SCN10A: variants seen among roughly 807,000 people sequenced by gnomAD.
The protein encoded by SCN10A is sodium channel protein type 10 subunit alpha.
SCN10A carries 162 observed loss-of-function variants against 170.7 expected under a neutral mutation model. That is an observed-to-expected ratio of 0.95 (90% CI 0.84 to 1.08). SCN10A has a LOEUF of 1.08. SCN10A is among the 50% of genes least tolerant of loss of function. SCN10A has a pLI of 0.00. For missense variants in SCN10A, 2,527 were observed against 2,436.9 expected (o/e 1.04, Z -0.78); for synonymous variants, 985 against 904.6 (o/e 1.09, Z -1.59).
At chr3:38,766,704 T>C (rs1433199218) in intron 5 of SCN10A, among the ~76,000 whole-genome samples, 1 of 152,146 alleles carries the variant, frequency 6.6e-6, no homozygotes, top group East Asian at 1.9e-4. Context: ...TTTTTAAAAG[T>C]CCTTTTCTGG....
intron 20 of SCN10A, among the ~76,000 whole-genome samples, chr3:38,719,688 C>A (rs2063370159): frequency 6.6e-6 from 1 of 152,128 alleles, no homozygotes. Context: ...CCACCGCGCC[C>A]GGCCACTCTT....
At chr3:38,799,737 A>C (rs936100346) in intron 1 of SCN10A, among the ~76,000 whole-genome samples, 1 of 152,142 alleles carries the variant, frequency 6.6e-6, no homozygotes, top group Non-Finnish European at 1.5e-5. Context: ...TCTTTAAAAA[A>C]ATCATATGAT....
chr3:38,726,647 C>T lies in SCN10A; in HGVS notation c.3046G>A (p.Asp1016Asn), dbSNP rs1211578836. The stretch of plus-strand genomic sequence containing the variant: ...ACTTCCTGCTGGAAGCTCTGAGCAT[C>T]TTCCCCACCATCATCCTCCAAGTCA... ...LDDLEDDGGE[D>N]AQSFQQEVIP... The change falls in exon 17 of 28, where the codon GAT (aspartate) becomes AAT (asparagine). Residue 1016 changes from aspartate (D) to asparagine (N), a missense_variant. Asp to Asn is a conservative substitution (Grantham distance 23). Transcript: ENST00000449082. 6.2e-7 allele frequency: 1 copy of T among 1,602,346 alleles called. No homozygotes were observed. Among genetic ancestry groups the T allele is most frequent in the East Asian group, 2.2e-5 (1 of 44,502 alleles).
At chr3:38,731,974 G>A (rs1421539689) in intron 15 of SCN10A, among the ~76,000 whole-genome samples, 1 of 152,222 alleles carries the variant, frequency 6.6e-6, no homozygotes, top group Non-Finnish European at 1.5e-5. Flanking sequence ...AAAGCCTGGT[G>A]TCCTCGTCTT....
At chr3:38,786,044 T>C (rs1206910102) in intron 4 of SCN10A, among the ~76,000 whole-genome samples, 17 of 152,110 alleles carry the variant, frequency 1.1e-4, no homozygotes, top group Non-Finnish European at 1.8e-4. Context: ...TGTAAATTAG[T>C]TCAACCATTG....
chr3:38,708,085 A>T (rs919963415), intron 25 of SCN10A, among the ~76,000 whole-genome samples: 1 of 152,166 alleles, frequency 6.6e-6, no homozygotes, highest in African/African-American at 2.4e-5. Context: ...TATTTTAATA[A>T]CATGTTTATG....
rs141953246 is a variant in SCN10A at position 38,732,973 on chromosome 3, T to C, written c.2281-4072A>G. Among the ~76,000 whole-genome samples, 150 of 152,296 alleles carry C rather than the reference T, an allele frequency of 9.8e-4. 1 individual carries two copies. Among genetic ancestry groups the C allele is most frequent in the African/African-American group, 3.4e-3 (143 of 41,564 alleles). ...GTTGAAGACTAGTTAAATTTTCCAA[T>C]TAAATGAAACAACTCTTAGCAAAGC... On this transcript the variant is annotated intron_variant, in intron 15 of 27. Transcript: ENST00000449082.
chr3:38,802,461 AG>A (rs1290014544), intron 1 of SCN10A, among the ~76,000 whole-genome samples: 1 of 152,170 alleles, frequency 6.6e-6, no homozygotes, highest in Non-Finnish European at 1.5e-5. Context: ...CTGTTTCCTT[AG>A]CCTTCTCCCG....
At chr3:38,761,902 A>G (rs934476196) in intron 6 of SCN10A, among the ~76,000 whole-genome samples, 1 of 152,082 alleles carries the variant, frequency 6.6e-6, no homozygotes, top group Non-Finnish European at 1.5e-5. Context: ...AGATAGAGTG[A>G]AACAAAAATA....
intron 14 of SCN10A, among the ~76,000 whole-genome samples, chr3:38,741,462 A>G (rs572396332): frequency 2.0e-5 from 3 of 152,044 alleles, no homozygotes; most frequent in African/African-American, 7.2e-5. Context: ...TTGCATCTCC[A>G]TTTTTCCATC....
intron 1 of SCN10A, among the ~76,000 whole-genome samples, chr3:38,803,471 T>C (rs2064385976): frequency 6.6e-6 from 1 of 151,864 alleles, no homozygotes; most frequent in African/African-American, 2.4e-5. Flanking sequence ...TATGCAGCCA[T>C]AAAAAAGGAT....
chr3:38,764,070 G>A (rs1235031709), intron 5 of SCN10A, among the ~76,000 whole-genome samples: 1 of 152,228 alleles, frequency 6.6e-6, no homozygotes, highest in Admixed American at 6.5e-5. Context: ...AATTCCAAAT[G>A]AGGAAGCTGA....
intron 13 of SCN10A, among the ~76,000 whole-genome samples, chr3:38,747,705 A>G (rs1393930491): frequency 6.6e-6 from 1 of 152,048 alleles, no homozygotes; most frequent in Non-Finnish European, 1.5e-5. Flanking sequence ...TGTCTTACCT[A>G]CACTGGGATG....
chr3:38,736,711 G>C (rs1449113069), intron 15 of SCN10A, among the ~76,000 whole-genome samples: 1 of 151,966 alleles, frequency 6.6e-6, no homozygotes, highest in Admixed American at 6.6e-5. Flanking sequence ...AGGTCATGAG[G>C]GAAGTGGAAT....
intron 24 of SCN10A, among the ~76,000 whole-genome samples, chr3:38,710,392 G>A (rs747182076): frequency 6.6e-6 from 1 of 152,094 alleles, no homozygotes; most frequent in East Asian, 1.9e-4. Flanking sequence ...CTGAGCTCAG[G>A]CAATCTGCCC....
intron 4 of SCN10A, among the ~76,000 whole-genome samples, chr3:38,781,741 G>C (rs993218833): frequency 2.6e-5 from 4 of 152,084 alleles, no homozygotes; most frequent in Non-Finnish European, 5.9e-5. Flanking sequence ...GATTAATAAA[G>C]ATGTGTTTGA....
chr3:38,751,617 AT>A (rs1216351024), intron 12 of SCN10A, among the ~76,000 whole-genome samples: 1 of 152,340 alleles, frequency 6.6e-6, no homozygotes, highest in Admixed American at 6.5e-5. Context: ...GAGAGCTCAC[AT>A]TAACTCACAG....
At chr3:38,713,088 G>A (rs918394174) in intron 22 of SCN10A, among the ~76,000 whole-genome samples, 1 of 152,218 alleles carries the variant, frequency 6.6e-6, no homozygotes, top group Non-Finnish European at 1.5e-5. Flanking sequence ...TTGTAATTAT[G>A]AGGAAGAGGT....
intron 4 of SCN10A, among the ~76,000 whole-genome samples, chr3:38,779,215 T>C (rs1048679723): frequency 2.0e-5 from 3 of 152,108 alleles, no homozygotes; most frequent in African/African-American, 7.2e-5. Context: ...TGAATGTCTA[T>C]CAATAGGAAA....
Sources: allele counts gnomAD v4.1 joint callset (sites outside exome capture counted in the v4.1 genomes callset), GRCh38; gene constraint gnomAD v4.1.1; transcripts MANE v1.5; gene names NCBI Gene and HGNC (gene_info 2026-07-23, HGNC 2026-07-21).